CADM2: variants seen among roughly 807,000 people sequenced by gnomAD.
The protein encoded by CADM2 is immunoglobulin superfamily member 4D.
Under a neutral mutation model 49.8 loss-of-function variants are expected in CADM2, and 12 were observed. That is an observed-to-expected ratio of 0.24 (90% confidence interval 0.15 to 0.39). CADM2 has a LOEUF of 0.39. Ranked by LOEUF, CADM2 falls within the 10% of genes least tolerant of loss-of-function variation. CADM2 has a pLI of 1.00. For synonymous variants in CADM2, 214 were observed against 175.4 expected, an observed-to-expected ratio of 1.22 and a Z score of -1.74; for missense variants, 378 against 492.3, an observed-to-expected ratio of 0.77 and a Z score of 2.20.
intron 5 of CADM2, among the ~76,000 whole-genome samples, chr3:85,898,040 A>G (rs2108440166): frequency 6.6e-6 from 1 of 152,274 alleles, no homozygotes; most frequent in Admixed American, 6.5e-5. Context: ...AGTGAGAAAA[A>G]AAAATTAATA....
intron 1 of CADM2, among the ~76,000 whole-genome samples, chr3:85,471,644 G>GA (rs1277114751): frequency 2.6e-5 from 4 of 151,334 alleles, no homozygotes; most frequent in Non-Finnish European, 4.4e-5. Flanking sequence ...GTTAATTTAA[G>GA]AAAAAATCTA....
intron 2 of CADM2, among the ~76,000 whole-genome samples, chr3:85,735,489 A>T (rs73142849): frequency 0.21 from 32,118 of 152,062 alleles, 4,188 homozygotes; most frequent in Non-Finnish European, 0.29. Context: ...GGTATCCTTC[A>T]AGTGAAGTAG....
intron 5 of CADM2, among the ~76,000 whole-genome samples, chr3:85,895,046 T>C (rs1013695021): frequency 1.3e-5 from 2 of 152,150 alleles, no homozygotes; most frequent in Admixed American, 1.3e-4. Flanking sequence ...AGTGGAGCTG[T>C]GAGAAGAGAG....
rs949163693 is a variant in CADM2 at position 85,924,006 on chromosome 3, G to C, written c.700+11463G>C. On this transcript the variant is annotated intron_variant, in intron 6 of 9. Coordinates refer to ENST00000383699, the MANE Select transcript of CADM2 (RefSeq NM_001167675.2). ...ATAGTTGGGGATAATTGATGAGTTA[G>C]TGGTGAAGTAATAACTAGGTCCCTG... 8.5e-5 allele frequency among the ~76,000 whole-genome samples: 13 copies of C among 152,070 alleles called. 1 individual carries two copies. Among genetic ancestry groups the C allele is most frequent in the African/African-American group, 3.1e-4 (13 of 41,414 alleles).
chr3:85,836,198 T>A (rs2074401226), intron 3 of CADM2, among the ~76,000 whole-genome samples: 1 of 151,590 alleles, frequency 6.6e-6, no homozygotes, highest in Admixed American at 6.6e-5. Context: ...AAACCTACCT[T>A]AAAATGTGCA....
At chr3:85,935,508 T>C (rs1395059525) in intron 6 of CADM2, among the ~76,000 whole-genome samples, 1 of 152,048 alleles carries the variant, frequency 6.6e-6, no homozygotes. Flanking sequence ...TTGCAATTTC[T>C]CTTTTAAATT....
intron 1 of CADM2, among the ~76,000 whole-genome samples, chr3:85,197,687 A>G (rs147622181): frequency 1.3e-5 from 2 of 152,128 alleles, no homozygotes; most frequent in African/African-American, 4.8e-5. Context: ...AATATACCCA[A>G]TGTAAATCGC....
chr3:85,723,531 G>A (rs554912101), intron 1 of CADM2, among the ~76,000 whole-genome samples: 37 of 152,174 alleles, frequency 2.4e-4, no homozygotes, highest in African/African-American at 8.7e-4. Context: ...TAACAAGCCT[G>A]ATAGCCTGGC....
chr3:85,142,403 A>G (rs1559685674), intron 1 of CADM2, among the ~76,000 whole-genome samples: 1 of 152,322 alleles, frequency 6.6e-6, no homozygotes, highest in East Asian at 1.9e-4. Context: ...AGCATGCTTT[A>G]GGTTCAGTGA....
intron 1 of CADM2, among the ~76,000 whole-genome samples, chr3:85,266,677 T>G (rs2106826184): frequency 6.6e-6 from 1 of 151,958 alleles, no homozygotes; most frequent in East Asian, 1.9e-4. Context: ...AGTAGAAATA[T>G]AGGAACAGAT....
chr3:85,644,519 C>A (rs2064827241), intron 1 of CADM2, among the ~76,000 whole-genome samples: 1 of 152,146 alleles, frequency 6.6e-6, no homozygotes, highest in African/African-American at 2.4e-5. Context: ...AGAGAACTTT[C>A]TGCCCGGTTA....
chr3:86,029,717 C>G (rs1214143263), intron 8 of CADM2, among the ~76,000 whole-genome samples: 2 of 151,992 alleles, frequency 1.3e-5, no homozygotes, highest in Non-Finnish European at 2.9e-5. Flanking sequence ...CAACTGTATT[C>G]ACTACTCTGA....
In CADM2 at chr3:85,269,059, A is replaced by G. The variant is rs541980558; in HGVS notation, c.61+309391A>G. On this transcript the variant is annotated intron_variant, in intron 1 of 9. Transcript: ENST00000383699. The stretch of plus-strand genomic sequence containing the variant: ...CCTCAACCTTAATAAATGTACTAAA[A>G]TAAAATAAATTGTTGCTTTGATTAG... Among the ~76,000 whole-genome samples the G allele has an allele frequency of 5.3e-5, 8 of 151,572 alleles. No homozygotes were observed. The Admixed American group carries it at 5.3e-4, about 10-fold the overall frequency.
intron 1 of CADM2, among the ~76,000 whole-genome samples, chr3:85,096,586 A>T (rs73843288): frequency 3.0e-3 from 463 of 152,260 alleles, no homozygotes; most frequent in African/African-American, 9.8e-3. Context: ...TCGTATATCT[A>T]TAAAAGTATT....
intron 8 of CADM2, among the ~76,000 whole-genome samples, chr3:86,037,011 T>C (rs1361293448): frequency 6.6e-6 from 1 of 152,186 alleles, no homozygotes; most frequent in Non-Finnish European, 1.5e-5. Context: ...ATTAATGCTG[T>C]TAACTTGTCT....
chr3:85,247,135 A>G (rs991979229), intron 1 of CADM2, among the ~76,000 whole-genome samples: 1 of 152,100 alleles, frequency 6.6e-6, no homozygotes, highest in Non-Finnish European at 1.5e-5. Context: ...TGTCATGTCT[A>G]AAAACACAGC....
chr3:85,485,131 T>G (rs1329143786), intron 1 of CADM2, among the ~76,000 whole-genome samples: 1 of 151,762 alleles, frequency 6.6e-6, no homozygotes, highest in African/African-American at 2.4e-5. Flanking sequence ...GCTTCAATAT[T>G]CAATATATAT....
At chr3:85,665,406 T>G (rs1480458538) in intron 1 of CADM2, among the ~76,000 whole-genome samples, 1 of 152,002 alleles carries the variant, frequency 6.6e-6, no homozygotes, top group Non-Finnish European at 1.5e-5. Flanking sequence ...TGGATATGTG[T>G]TTGCCTTTAA....
At chr3:85,607,975 A>T (rs73141547) in intron 1 of CADM2, among the ~76,000 whole-genome samples, 44,468 of 151,980 alleles carry the variant, frequency 0.29, 7,915 homozygotes, top group East Asian at 0.61. Context: ...AATTTAAAAA[A>T]ATATACATTT....
Sources: gnomAD v4.1 joint callset for allele counts (sites outside exome capture counted in the v4.1 genomes callset) on GRCh38, gnomAD v4.1.1 for gene constraint, MANE v1.5 for transcripts, NCBI Gene and HGNC (gene_info 2026-07-23, HGNC 2026-07-21) for gene names.